The following TSGA10IP variants were observed in gnomAD, a reference collection of about 807,000 sequenced individuals.
TSGA10IP encodes the protein testis-specific protein 10-interacting protein.
TSGA10IP carries 64 observed loss-of-function variants against 63.2 expected under a neutral mutation model. That is an observed-to-expected ratio of 1.01 (90% CI 0.83 to 1.25). The LOEUF (loss-of-function observed/expected upper bound fraction) is 1.25. Ranked by LOEUF, TSGA10IP falls within the 50% of genes most tolerant of loss-of-function variation. The pLI is 0.00. For synonymous variants in TSGA10IP, 316 were observed against 298.3 expected (o/e 1.06, Z -0.61); for missense variants, 681 against 710.1 (o/e 0.96, Z 0.47).
chr11:65,949,806 T>A (rs1309578573), intron 4 of TSGA10IP, among the ~76,000 whole-genome samples: 1 of 151,916 alleles, frequency 6.6e-6, no homozygotes, highest in Non-Finnish European at 1.5e-5. Flanking sequence ...ATGTTTATAT[T>A]GTTGAAGGTC....
At chr11:65,949,667 G>C (rs1407431183) in intron 4 of TSGA10IP, among the ~76,000 whole-genome samples, 1 of 150,222 alleles carries the variant, frequency 6.7e-6, no homozygotes, top group Non-Finnish European at 1.5e-5. Flanking sequence ...TGCCCGCCTC[G>C]GCCTCCCAAA....
At chr11:65,958,618 C>G (rs919998039) in intron 5 of TSGA10IP, among the ~76,000 whole-genome samples, 1 of 152,222 alleles carries the variant, frequency 6.6e-6, no homozygotes, top group African/African-American at 2.4e-5. Flanking sequence ...CAAGCCCCAG[C>G]TGCACAGGGC....
At chr11:65,952,679 C>A (rs1033514699) in intron 4 of TSGA10IP, among the ~76,000 whole-genome samples, 1 of 151,144 alleles carries the variant, frequency 6.6e-6, no homozygotes, top group Non-Finnish European at 1.5e-5. Context: ...ATATAGACCA[C>A]CTTTTATACA....
intron 5 of TSGA10IP, among the ~76,000 whole-genome samples, 196 bp downstream of exon 5, chr11:65,953,933 A>G (rs530647685): frequency 2.3e-4 from 35 of 152,270 alleles, no homozygotes; most frequent in Non-Finnish European, 4.4e-4. Context: ...AATAATGACA[A>G]TCTCTGCAGC....
rs1855069008 is a variant in TSGA10IP at position 65,958,880 on chromosome 11, C to T, written c.1323-3C>T. On this transcript the variant is annotated splice_polypyrimidine_tract_variant and splice_region_variant and intron_variant, in intron 5 of 7. Coordinates refer to ENST00000532620, the Ensembl canonical transcript of TSGA10IP. ...GCTGCACAAAGGCCTGTCTCCCCTG[C>T]AGGCGCCAGGAGCGACAGCGCTTTG... 6.2e-7 allele frequency: 1 copy of T among 1,611,158 alleles called. No individual in the cohort carries two copies. The highest frequency in any genetic ancestry group is 8.5e-7 in the Non-Finnish European group (1 of 1,178,608).
chr11:65,959,510 G>A (rs1855080643), intron 7 of TSGA10IP, among the ~76,000 whole-genome samples, 196 bp downstream of exon 7: 1 of 152,288 alleles, frequency 6.6e-6, no homozygotes, highest in East Asian at 1.9e-4. Flanking sequence ...CTTTAAGGAC[G>A]CAGGAGCGAA....
chr11:65,945,592 G>T, exon 1 of TSGA10IP: 1 of 1,508,938 alleles, frequency 6.6e-7, no homozygotes, highest in East Asian at 2.3e-5. Context: ...CTTTTTGCCA[G>T]ACCCATTGAG....
intron 4 of TSGA10IP, among the ~76,000 whole-genome samples, chr11:65,951,082 T>C (rs1854934485): frequency 6.6e-6 from 1 of 152,192 alleles, no homozygotes; most frequent in Non-Finnish European, 1.5e-5. Context: ...TATACCACCT[T>C]TTCTTTATCC....
intron 1 of TSGA10IP, among the ~76,000 whole-genome samples, chr11:65,946,420 G>A (rs534693695): frequency 1.1e-4 from 17 of 151,612 alleles, no homozygotes; most frequent in African/African-American, 3.9e-4. Context: ...GTGGTGCTCG[G>A]TCGGGTTTTT....
intron 5 of TSGA10IP, among the ~76,000 whole-genome samples, chr11:65,956,750 G>C (rs1446981952): frequency 1.3e-5 from 2 of 150,910 alleles, no homozygotes; most frequent in Non-Finnish European, 3.0e-5. Flanking sequence ...AGCTGTCTCA[G>C]ACTCCTGACC....
intron 1 of TSGA10IP, 65 bp downstream of exon 1, chr11:65,945,887 C>T: frequency 6.4e-7 from 1 of 1,563,942 alleles, no homozygotes; most frequent in Non-Finnish European, 8.7e-7. Flanking sequence ...GAGGCCTGGG[C>T]TGGGGAGGCC....
intron 5 of TSGA10IP, among the ~76,000 whole-genome samples, chr11:65,955,722 G>A (rs1442227987): frequency 6.6e-6 from 1 of 152,018 alleles, no homozygotes; most frequent in Non-Finnish European, 1.5e-5. Flanking sequence ...AGTACGGCCC[G>A]CTCACCTTAC....
At chr11:65,945,931 G>C in intron 1 of TSGA10IP, 109 bp downstream of exon 1, 1 of 1,355,490 alleles carries the variant, frequency 7.4e-7, no homozygotes, top group Non-Finnish European at 1.0e-6. Flanking sequence ...CTGAGGTCCA[G>C]ATGAAACTCA....
chr11:65,959,302 C>G, exon 7 of TSGA10IP: 1 of 1,611,204 alleles, frequency 6.2e-7, no homozygotes, highest in Non-Finnish European at 8.5e-7. Context: ...GAGGGCACCC[C>G]CAGGAAACCC....
exon 7 of TSGA10IP, chr11:65,959,244 G>A: frequency 2.5e-6 from 4 of 1,609,792 alleles, no homozygotes; most frequent in South Asian, 2.2e-5. Context: ...GTCAGCACTG[G>A]GGCTGGATGA....
chr11:65,949,573 C>T (rs1379126294), intron 4 of TSGA10IP, among the ~76,000 whole-genome samples: 1 of 151,972 alleles, frequency 6.6e-6, no homozygotes, highest in Non-Finnish European at 1.5e-5. Flanking sequence ...CCCACCACCA[C>T]GCCTGGCTAA....
chr11:65,946,824 A>G lies in TSGA10IP; in HGVS notation c.148-56A>G, dbSNP rs1010568781. ...AGAGGGAGCACCCGGGTGAGGTGCA[A>G]CACAGTCCAGGAGGCTGCTCAAGCT... On this transcript the variant is annotated intron_variant, in intron 1 of 7. Transcript: ENST00000532620. 2.2e-5 allele frequency: 35 copies of G among 1,587,074 alleles called. 1 individual carries two copies. In the South Asian group the frequency reaches 2.6e-4, roughly 12 times the overall value.
At chr11:65,947,904 G>C in intron 3 of TSGA10IP, 76 bp downstream of exon 3, 1 of 1,506,952 alleles carries the variant, frequency 6.6e-7, no homozygotes, top group South Asian at 1.3e-5. Flanking sequence ...GGAGGCAGGG[G>C]CTCAGGCAGG....
chr11:65,948,061 G>C (rs778935913), exon 4 of TSGA10IP: 1 of 1,582,746 alleles, frequency 6.3e-7, no homozygotes, highest in Non-Finnish European at 8.6e-7. Context: ...AAGCGGAATG[G>C]AAAGGCCTAT....
Sources: gnomAD v4.1 joint callset for allele counts (sites outside exome capture counted in the v4.1 genomes callset) on GRCh38, gnomAD v4.1.1 for gene constraint, MANE v1.5 for transcripts, NCBI Gene and HGNC (gene_info 2026-07-23, HGNC 2026-07-21) for gene names.